Variants in EYS observed in about 807,000 individuals in gnomAD.
EYS encodes protein eyes shut homolog.
A neutral mutation model predicts 282.1 loss-of-function variants in EYS; 250 were observed. That is an observed-to-expected ratio of 0.89 (90% CI 0.80 to 0.98). The LOEUF (loss-of-function observed/expected upper bound fraction) is 0.98. Among genes scored for constraint, EYS ranks in the 50% least tolerant of loss-of-function variants. The pLI is 0.00. For synonymous variants in EYS, 1,355 were observed against 1,282.9 expected, an observed-to-expected ratio of 1.06 and a Z score of -1.20; for missense variants, 4,016 against 3,709.0, an observed-to-expected ratio of 1.08 and a Z score of -2.15.
intron 12 of EYS, among the ~76,000 whole-genome samples, chr6:65,151,154 A>T (rs958564216): frequency 6.8e-6 from 1 of 147,668 alleles, no homozygotes; most frequent in Non-Finnish European, 1.5e-5. Flanking sequence ...ATTTGATACT[A>T]AAAAAAATAT....
intron 33 of EYS, among the ~76,000 whole-genome samples, chr6:64,051,027 T>C (rs1027987158): frequency 6.6e-6 from 1 of 152,180 alleles, no homozygotes; most frequent in Admixed American, 6.5e-5. Flanking sequence ...CTCTGATAGA[T>C]TATCTGGTAG....
chr6:65,172,873 G>A (rs1765137525), intron 12 of EYS, among the ~76,000 whole-genome samples: 1 of 150,894 alleles, frequency 6.6e-6, no homozygotes, highest in Admixed American at 6.6e-5. Flanking sequence ...AGAAGACATA[G>A]TATGCTTGAC....
At chr6:64,654,971 C>T (rs1471762806) in intron 22 of EYS, among the ~76,000 whole-genome samples, 1 of 152,156 alleles carries the variant, frequency 6.6e-6, no homozygotes, top group Non-Finnish European at 1.5e-5. Flanking sequence ...TCCTCTTTAA[C>T]TTGCACTGGA....
chr6:63,791,248 G>A (rs953941701), intron 37 of EYS, among the ~76,000 whole-genome samples: 7 of 152,170 alleles, frequency 4.6e-5, no homozygotes, highest in African/African-American at 1.7e-4. Flanking sequence ...CAGCAACCCA[G>A]AAGGAGAAGA....
At chr6:64,224,752 T>C (rs1033600789) in intron 31 of EYS, among the ~76,000 whole-genome samples, 30 of 152,280 alleles carry the variant, frequency 2.0e-4, no homozygotes, top group Non-Finnish European at 4.1e-4. Context: ...GCTAAACTAT[T>C]CTGCAAAATA....
At chr6:65,400,207 T>C (rs575736004) in intron 7 of EYS, among the ~76,000 whole-genome samples, 1 of 152,216 alleles carries the variant, frequency 6.6e-6, no homozygotes, top group South Asian at 2.1e-4. Context: ...AGTATTTGGA[T>C]GGCTAAACCA....
chr6:65,452,045 T>C (rs1399597786), intron 5 of EYS, among the ~76,000 whole-genome samples: 2 of 151,694 alleles, frequency 1.3e-5, no homozygotes, highest in Non-Finnish European at 3.0e-5. Flanking sequence ...TATGCTTAAA[T>C]GCAACTATTA....
intron 31 of EYS, among the ~76,000 whole-genome samples, chr6:64,104,077 G>A (rs1772922993): frequency 6.6e-6 from 1 of 152,076 alleles, no homozygotes; most frequent in Non-Finnish European, 1.5e-5. Context: ...GATTTTGTTG[G>A]GTATTTATGT....
chr6:64,823,790 C>T (rs1764970160), intron 19 of EYS, among the ~76,000 whole-genome samples: 2 of 151,892 alleles, frequency 1.3e-5, no homozygotes, highest in South Asian at 4.1e-4. Context: ...CTGACTTGTG[C>T]TTCTGATCAT....
At chr6:64,334,150 T>G (rs1770751337) in intron 29 of EYS, among the ~76,000 whole-genome samples, 1 of 152,226 alleles carries the variant, frequency 6.6e-6, no homozygotes, top group African/African-American at 2.4e-5. Context: ...TGTGTCAGAC[T>G]GTAATCCTTT....
intron 31 of EYS, among the ~76,000 whole-genome samples, chr6:64,117,947 C>T (rs908317229): frequency 5.3e-5 from 8 of 151,618 alleles, no homozygotes; most frequent in South Asian, 2.1e-4. Context: ...AAGCAATTTA[C>T]AATAGCTATA....
chr6:65,353,433 GA>G (rs746437934), intron 9 of EYS, 24 bp downstream of exon 9: 25 of 1,608,544 alleles, frequency 1.6e-5, no homozygotes, highest in Non-Finnish European at 2.1e-5. Flanking sequence ...CAAGCAGATT[GA>G]AAAAAATTAC....
chr6:63,847,448 C>A (rs1346428114), intron 36 of EYS, among the ~76,000 whole-genome samples: 2 of 152,070 alleles, frequency 1.3e-5, no homozygotes, highest in African/African-American at 4.8e-5. Flanking sequence ...TCTGTTTGCT[C>A]TCCCTTTCTC....
At chr6:64,102,295 C>T (rs1397991842) in intron 31 of EYS, among the ~76,000 whole-genome samples, 1 of 152,036 alleles carries the variant, frequency 6.6e-6, no homozygotes, top group Non-Finnish European at 1.5e-5. Context: ...TACTGAAACA[C>T]ACTTAAGAAA....
chr6:64,606,175 A>T (rs1442312058), intron 24 of EYS, among the ~76,000 whole-genome samples: 1 of 152,074 alleles, frequency 6.6e-6, no homozygotes. Flanking sequence ...CAATATACAC[A>T]TATTAAGTGC....
chr6:63,889,958 G>A lies in EYS; in HGVS notation c.7056-25600C>T, dbSNP rs141459017. Among the ~76,000 whole-genome samples, 1,157 of 151,972 alleles carry A rather than the reference G, an allele frequency of 7.6e-3. 22 individuals carry two copies. The highest frequency in any genetic ancestry group is 0.027 in the African/African-American group (1,119 of 41,456). ...CAAGCAGATGAAAAAAAAAGCAGGG[G>A]TTACAATCCTAGTCTCTGATAAAAC... is the stretch of plus-strand genomic sequence containing the variant. On this transcript the variant is annotated intron_variant, in intron 35 of 42. Coordinates refer to ENST00000503581, the MANE Select transcript of EYS (RefSeq NM_001142800.2).
rs986406168 is a variant in EYS, at chr6:63,829,863, G to C, written c.7229-23491C>G. On this transcript the variant is annotated intron_variant, in intron 36 of 42. Coordinates refer to ENST00000503581, the MANE Select transcript of EYS (RefSeq NM_001142800.2). ...GAGCTAGGTGCCCCTCTGAGACAAA[G>C]CTTCCAGAGGAAGGATCAGGCAGCA... Among the ~76,000 whole-genome samples the C allele has an allele frequency of 2.6e-5, 4 of 152,322 alleles. No homozygotes were observed. In the East Asian group the frequency reaches 7.7e-4, roughly 29 times the overall value.
At chr6:63,816,948 T>C (rs1771193724) in intron 36 of EYS, among the ~76,000 whole-genome samples, 1 of 152,232 alleles carries the variant, frequency 6.6e-6, no homozygotes, top group South Asian at 2.1e-4. Context: ...TCTTTCCCAA[T>C]TGGAGACTTC....
chr6:64,284,073 C>T (rs963083826), intron 30 of EYS, among the ~76,000 whole-genome samples: 1 of 152,118 alleles, frequency 6.6e-6, no homozygotes, highest in Non-Finnish European at 1.5e-5. Context: ...TCATGCCTTC[C>T]CAACAGTCCC....
Sources: gnomAD v4.1 joint callset for allele counts (sites outside exome capture counted in the v4.1 genomes callset) on GRCh38, gnomAD v4.1.1 for gene constraint, MANE v1.5 for transcripts, NCBI Gene and HGNC (gene_info 2026-07-23, HGNC 2026-07-21) for gene names.